Variants in RBMS3 observed in about 807,000 individuals in gnomAD.
RBMS3 encodes the protein RNA-binding motif, single-stranded-interacting protein 3.
A neutral mutation model predicts 66.8 loss-of-function variants in RBMS3; 27 were observed. That is an observed-to-expected ratio of 0.40 (90% CI 0.30 to 0.56). RBMS3 has a LOEUF of 0.56. Among genes scored for constraint, RBMS3 ranks in the 20% least tolerant of loss-of-function variants. RBMS3 has a pLI of 0.40. For missense variants in RBMS3, 513 were observed against 549.5 expected, an observed-to-expected ratio of 0.93 and a Z score of 0.66; for synonymous variants, 188 against 183.0, an observed-to-expected ratio of 1.03 and a Z score of -0.22.
intron 6 of RBMS3, among the ~76,000 whole-genome samples, chr3:29,854,876 C>T (rs371232366): frequency 6.6e-6 from 1 of 152,146 alleles, no homozygotes; most frequent in African/African-American, 2.4e-5. Flanking sequence ...AGCCTTTGAA[C>T]TCTCTTCAAT....
chr3:29,298,057 C>T (rs1440755871), intron 1 of RBMS3, among the ~76,000 whole-genome samples: 1 of 151,826 alleles, frequency 6.6e-6, no homozygotes, highest in Non-Finnish European at 1.5e-5. Context: ...TAATCTTCCT[C>T]CAATTACCAT....
At chr3:29,688,365 G>A (rs1353296655) in intron 4 of RBMS3, among the ~76,000 whole-genome samples, 1 of 151,912 alleles carries the variant, frequency 6.6e-6, no homozygotes, top group African/African-American at 2.4e-5. Flanking sequence ...TATTTTGTCA[G>A]TTTAGAAGAG....
At chr3:29,981,883 AT>A (rs1193575751) in intron 12 of RBMS3, among the ~76,000 whole-genome samples, 1 of 151,580 alleles carries the variant, frequency 6.6e-6, no homozygotes, top group Admixed American at 6.6e-5. Flanking sequence ...TTGGCCTGAA[AT>A]TTTCTTTGTG....
chr3:29,688,983 A>G (rs1377871478), intron 4 of RBMS3, among the ~76,000 whole-genome samples: 5 of 152,084 alleles, frequency 3.3e-5, no homozygotes, highest in Admixed American at 3.3e-4. Flanking sequence ...TTTGCATAGG[A>G]CAACTTCACG....
intron 12 of RBMS3, among the ~76,000 whole-genome samples, chr3:29,964,460 G>T (rs1696692221): frequency 6.6e-6 from 1 of 152,084 alleles, no homozygotes; most frequent in Admixed American, 6.6e-5. Context: ...GTTAGTCTGG[G>T]ACTATCCAAT....
chr3:29,837,730 C>A, intron 6 of RBMS3, among the ~76,000 whole-genome samples: 1 of 116,888 alleles, frequency 8.6e-6, no homozygotes, highest in Admixed American at 1.0e-4. Context: ...AACTGTGAAC[C>A]CTGATGAGGA....
chr3:29,465,567 T>G (rs1042764396), intron 2 of RBMS3, among the ~76,000 whole-genome samples: 14 of 150,550 alleles, frequency 9.3e-5, no homozygotes, highest in African/African-American at 3.4e-4. Context: ...TCTGTAAATC[T>G]AGTGAGCCCC....
chr3:29,856,914 A>C (rs1336224545), intron 6 of RBMS3, among the ~76,000 whole-genome samples: 1 of 152,274 alleles, frequency 6.6e-6, no homozygotes, highest in East Asian at 1.9e-4. Context: ...TTAAATTTAT[A>C]TTGTATTGAT....
intron 8 of RBMS3, among the ~76,000 whole-genome samples, chr3:29,892,826 TG>T (rs1559774828): frequency 3.7e-5 from 5 of 136,282 alleles, no homozygotes; most frequent in African/African-American, 1.2e-4. Context: ...TATGTATGTA[TG>T]TATGTATGTA....
intron 1 of RBMS3, among the ~76,000 whole-genome samples, chr3:29,362,673 A>G (rs2037670646): frequency 2.0e-5 from 3 of 152,202 alleles, no homozygotes. Flanking sequence ...TGGAGTACCC[A>G]CAATTTTAAC....
intron 1 of RBMS3, among the ~76,000 whole-genome samples, chr3:29,312,066 C>T (rs1428918993): frequency 2.0e-5 from 3 of 151,708 alleles, no homozygotes; most frequent in Non-Finnish European, 1.5e-5. Flanking sequence ...GGTAGAGAGG[C>T]CTAACGCTGG....
chr3:29,722,128 T>C (rs1363174393), intron 4 of RBMS3, among the ~76,000 whole-genome samples: 2 of 152,236 alleles, frequency 1.3e-5, no homozygotes, highest in Non-Finnish European at 2.9e-5. Context: ...AAAGCACTTA[T>C]GAGGAATACT....
At chr3:29,813,889 A>G (rs921347812) in intron 6 of RBMS3, among the ~76,000 whole-genome samples, 4 of 152,138 alleles carry the variant, frequency 2.6e-5, no homozygotes, top group Non-Finnish European at 5.9e-5. Flanking sequence ...GGCTGAGACA[A>G]TGGGGTTTTC....
rs532170039 is a variant in RBMS3 at position 29,787,847 on chromosome 3, A to T, written c.637+24858A>T. Among the ~76,000 whole-genome samples the T allele has an allele frequency of 2.6e-5, 4 of 152,326 alleles. No homozygotes were observed. The East Asian group carries it at 5.8e-4, about 22-fold the overall frequency. ...CCAAAACCTACTGAAATTAAAAAAAATTAAAAATTAAAGTAAAATAAAATA... is the reference window on the plus strand; with the variant it reads ...CCAAAACCTACTGAAATTAAAAAAATTTAAAAATTAAAGTAAAATAAAATA... On this transcript the variant is annotated intron_variant, in intron 6 of 14. Coordinates refer to ENST00000383767, the MANE Select transcript of RBMS3 (RefSeq NM_001003793.3).
intron 2 of RBMS3, among the ~76,000 whole-genome samples, chr3:29,455,117 A>C (rs1463731024): frequency 6.6e-6 from 1 of 152,044 alleles, no homozygotes. Context: ...TGCACTCTAC[A>C]TTTTGTCTCC....
Position 29,990,984 on chromosome 3 carries a change from C to T in RBMS3, c.1180-98C>T, listed in dbSNP as rs1343012708. 1.3e-5 allele frequency: 16 copies of T among 1,206,756 alleles called. No individual in the cohort carries two copies. The East Asian group carries it at 1.4e-4, about 11-fold the overall frequency. The allele number at this position is 1,206,756 out of a possible 1,614,324, so 74.8% of individuals were successfully genotyped here. A position where few individuals can be genotyped will look rare whatever the true frequency, so the allele number is the denominator to read the frequency against. The stretch of plus-strand genomic sequence containing the variant: ...TGACTTCATGTAGCTGAGGGTATCT[C>T]TACTTAAGCCAAATAGAAGAGGGGT... On this transcript the variant is annotated intron_variant, in intron 13 of 14. Coordinates refer to ENST00000383767, the MANE Select transcript of RBMS3 (RefSeq NM_001003793.3).
rs1201571065 is a variant in RBMS3 at position 29,360,832 on chromosome 3, T to G, written c.76-73911T>G. The stretch of plus-strand genomic sequence containing the variant: ...TTCTTTGTCTCTTTTGATCTTTGTT[T>G]GTTTAAAGTGTGTTTCATCAGAGAC... On this transcript the variant is annotated intron_variant, in intron 1 of 14. Coordinates refer to ENST00000383767, the MANE Select transcript of RBMS3 (RefSeq NM_001003793.3). Among the ~76,000 whole-genome samples the G allele has an allele frequency of 4.6e-5, 7 of 151,952 alleles. 2 individuals are homozygous for G. The highest frequency in any genetic ancestry group is 1.5e-4 in the African/African-American group (6 of 41,290).
At chr3:29,599,389 C>T (rs1316777477) in intron 4 of RBMS3, among the ~76,000 whole-genome samples, 1 of 148,010 alleles carries the variant, frequency 6.8e-6, no homozygotes, top group African/African-American at 2.5e-5. Flanking sequence ...TATGCACCCA[C>T]ATAAACTTTA....
chr3:29,605,032 T>C (rs925470747), intron 4 of RBMS3, among the ~76,000 whole-genome samples: 3 of 152,052 alleles, frequency 2.0e-5, no homozygotes, highest in Non-Finnish European at 4.4e-5. Flanking sequence ...ACTACAACTT[T>C]CTCATAGCTT....
Sources: gnomAD v4.1 joint callset for allele counts (sites outside exome capture counted in the v4.1 genomes callset) on GRCh38, gnomAD v4.1.1 for gene constraint, MANE v1.5 for transcripts, NCBI Gene and HGNC (gene_info 2026-07-23, HGNC 2026-07-21) for gene names.